CAMK2G: variants seen among roughly 807,000 people sequenced by gnomAD.
CAMK2G encodes the protein calcium/calmodulin dependent protein kinase II gamma.
A neutral mutation model predicts 88.7 loss-of-function variants in CAMK2G; 23 were observed. That is an observed-to-expected ratio of 0.26 (90% CI 0.19 to 0.37). The LOEUF (loss-of-function observed/expected upper bound fraction) is 0.37, where lower values mean the gene tolerates loss of function less well. Ranked by LOEUF, CAMK2G falls within the 10% of genes least tolerant of loss-of-function variation. The pLI, the probability that CAMK2G is intolerant of heterozygous loss-of-function variation, is 1.00. For missense variants in CAMK2G, 476 were observed against 780.8 expected (o/e 0.61, Z 4.65); for synonymous variants, 263 against 294.8 (o/e 0.89, Z 1.11).
At chr10:73,841,892 G>C (rs187905278) in intron 12 of CAMK2G, 41 of 459,146 alleles carry the variant, frequency 8.9e-5, no homozygotes, top group African/African-American at 6.7e-4. Context: ...TCTTCAGAGA[G>C]TTAAATAAGA....
At chr10:73,845,646 G>C (rs1370211157) in intron 10 of CAMK2G, among the ~76,000 whole-genome samples, 1 of 151,224 alleles carries the variant, frequency 6.6e-6, no homozygotes, top group Non-Finnish European at 1.5e-5. Flanking sequence ...GTTTTCTTCT[G>C]GGTCAGTGAG....
In CAMK2G at chr10:73,827,120, G is replaced by T. The variant is rs559274914; in HGVS notation, c.1086+969C>A. Among the ~76,000 whole-genome samples the T allele has an allele frequency of 4.6e-5, 7 of 152,350 alleles. No individual in the cohort carries two copies. In the East Asian group the frequency reaches 1.4e-3, roughly 29 times the overall value. On this transcript the variant is annotated intron_variant, in intron 15 of 22. Coordinates refer to ENST00000423381, the MANE Select transcript of CAMK2G (RefSeq NM_001367534.1). ...CAGCTGAGGCCAAGACCCTCACAGG[G>T]GGCAAGGACTCCAGGGTGCCCACAA...
At chr10:73,858,936 C>T (rs1460662095) in intron 3 of CAMK2G, among the ~76,000 whole-genome samples, 1 of 152,260 alleles carries the variant, frequency 6.6e-6, no homozygotes, top group East Asian at 1.9e-4. Flanking sequence ...ATGGTCAACC[C>T]GCCCGCATCG....
intron 2 of CAMK2G, among the ~76,000 whole-genome samples, chr10:73,864,817 G>T (rs1381245134): frequency 2.6e-5 from 4 of 151,974 alleles, no homozygotes; most frequent in Non-Finnish European, 4.4e-5. Flanking sequence ...TAATTTTTTT[G>T]TATTTTTCAG....
At position 73,825,299 on chromosome 10, in the gene CAMK2G, C is replaced by A; in HGVS notation, c.1135G>T (p.Ala379Ser). The A allele has an allele frequency of 1.2e-6, 2 of 1,613,656 alleles. No individual in the cohort carries two copies. Among genetic ancestry groups the A allele is most frequent in the Non-Finnish European group, 1.7e-6 (2 of 1,179,646 alleles). ...GGTACCATGGCCGTCTGCAAGGGCGCGGGCTCTTGGGCTGGGCTTACGAGA... is the reference window on the plus strand; with the variant it reads ...GGTACCATGGCCGTCTGCAAGGGCGAGGGCTCTTGGGCTGGGCTTACGAGA... ...NSLVSPAQEP[A>S]PLQTAMEPQT... is the part of the protein sequence containing the mutation. The change falls in exon 16 of 23, where the codon GCG (alanine) becomes TCG (serine). Residue 379 changes from alanine to serine, a missense_variant. By Grantham distance (99) the Ala-to-Ser change is moderately conservative. Coordinates refer to ENST00000423381, the MANE Select transcript of CAMK2G (RefSeq NM_001367534.1).
At chr10:73,833,971 T>G (rs1333075712) in intron 14 of CAMK2G, among the ~76,000 whole-genome samples, 2 of 123,990 alleles carry the variant, frequency 1.6e-5, no homozygotes, top group African/African-American at 6.5e-5. Flanking sequence ...CAGGATGGAG[T>G]GCAGTGGCAC....
Position 73,819,597 on chromosome 10 carries a change from C to T in CAMK2G, c.1298G>A (p.Ser433Asn). The T allele has an allele frequency of 1.3e-6, 2 of 1,547,920 alleles. No individual in the cohort carries two copies. The highest frequency in any genetic ancestry group is 1.7e-6 in the Non-Finnish European group (2 of 1,146,924). The change falls in exon 19 of 23, where the codon AGC becomes AAC. Residue 433 changes from serine (S) to asparagine (N), a missense_variant. Around this residue, in one of 3 missense-constraint regions of CAMK2G, gnomAD observed 278 missense variants for 366.5 expected, o/e 0.76. Transcript: ENST00000423381. Reference protein sequence around the residue: ...GNGSSVPEGRSSRDRTAPSAG... With the variant: ...GNGSSVPEGRNSRDRTAPSAG... ...AGAGGGGGCTGTTCTGTCCCGGGAG[C>T]TCCGTCCTTCAGGCACCGAGCTGCC...
chr10:73,834,303 C>T (rs891598022), intron 14 of CAMK2G, among the ~76,000 whole-genome samples: 1 of 152,178 alleles, frequency 6.6e-6, no homozygotes, highest in African/African-American at 2.4e-5. Context: ...GCTGCGAATA[C>T]GCGGTTGGCC....
intron 10 of CAMK2G, chr10:73,846,951 G>A (rs2094290601): frequency 2.7e-6 from 1 of 371,900 alleles, no homozygotes; most frequent in East Asian, 4.6e-5. Context: ...AGTCCACAAG[G>A]GTCAACCTGA....
At chr10:73,845,798 T>A (rs1294404223) in intron 10 of CAMK2G, among the ~76,000 whole-genome samples, 4 of 151,990 alleles carry the variant, frequency 2.6e-5, no homozygotes, top group Non-Finnish European at 5.9e-5. Context: ...ATCCTTACCC[T>A]CTGCTGAGAC....
At chr10:73,836,400 A>G (rs577969379) in intron 14 of CAMK2G, among the ~76,000 whole-genome samples, 9 of 152,226 alleles carry the variant, frequency 5.9e-5, no homozygotes, top group African/African-American at 2.2e-4. Context: ...GGTACTTATT[A>G]AACACTCTCT....
intron 10 of CAMK2G, among the ~76,000 whole-genome samples, chr10:73,844,234 G>A (rs1022052113): frequency 1.3e-4 from 20 of 149,700 alleles, no homozygotes; most frequent in Admixed American, 9.3e-4. Flanking sequence ...GCTAAGGCAC[G>A]TTACCACAAC....
chr10:73,866,679 C>G (rs2095607740), intron 2 of CAMK2G, among the ~76,000 whole-genome samples: 1 of 152,168 alleles, frequency 6.6e-6, no homozygotes, highest in Admixed American at 6.5e-5. Context: ...TTCCTGCAAC[C>G]CCACTGATTT....
At chr10:73,825,426 C>A in intron 15 of CAMK2G, 79 bp from the exon 16 acceptor site, 2 of 1,127,110 alleles carry the variant, frequency 1.8e-6, no homozygotes, top group Admixed American at 3.4e-5. Context: ...CCTCCCTTGC[C>A]CCCTGGTCTG....
intron 18 of CAMK2G, among the ~76,000 whole-genome samples, chr10:73,820,474 AT>A (rs2087691362): frequency 1.2e-4 from 4 of 32,992 alleles, no homozygotes; most frequent in Admixed American, 4.9e-4. Context: ...TTATATATAT[AT>A]ATATATATAT....
At chr10:73,817,429 A>G in intron 20 of CAMK2G, 50 bp downstream of exon 20, 1 of 1,230,654 alleles carries the variant, frequency 8.1e-7, no homozygotes, top group Non-Finnish European at 1.2e-6. Context: ...GAAGCAGGGA[A>G]GGCCTTGGGA....
chr10:73,842,868 C>T lies in CAMK2G; in HGVS notation c.820-327G>A, dbSNP rs1258300241. ...GGCTGTGATCCTCATTCAGTCACTC[C>T]TTAGGCAGCTGTTTACTGAGCACCT... On this transcript the variant is annotated intron_variant, in intron 10 of 22. Transcript: ENST00000423381. This position sits in a 1 kb window ranked among gnomAD's most constrained non-coding sequence, Gnocchi z 4.6. 1.3e-5 allele frequency among the ~76,000 whole-genome samples: 2 copies of T among 152,088 alleles called. No individual in the cohort carries two copies. The highest frequency in any genetic ancestry group is 2.9e-5 in the Non-Finnish European group (2 of 68,022).
intron 14 of CAMK2G, chr10:73,837,183 G>A: frequency 2.4e-6 from 1 of 425,162 alleles, no homozygotes; most frequent in South Asian, 3.6e-5. Flanking sequence ...CCCTGGAGAT[G>A]AAGCATCCGT....
Position 73,839,661 on chromosome 10 carries a change from C to T in CAMK2G, c.947-60G>A, listed in dbSNP as rs534546278. 13 of 1,045,854 alleles carry T rather than the reference C, an allele frequency of 1.2e-5. No individual in the cohort carries two copies. In the Admixed American group the frequency reaches 1.7e-4, roughly 14 times the overall value. The allele number at this position is 1,045,854 out of a possible 1,614,324, so 64.8% of individuals were successfully genotyped here. On this transcript the variant is annotated intron_variant, in intron 12 of 22. Coordinates refer to ENST00000423381, the MANE Select transcript of CAMK2G (RefSeq NM_001367534.1). This position sits in a 1 kb window ranked among gnomAD's most constrained non-coding sequence, Gnocchi z 4.2. ...CGCAAAGCCACGGGGCCGTCAGCAG[C>T]GAGCATGCCCCAGCGCGAGGCGCAG... is the stretch of plus-strand genomic sequence containing the variant.
Sources: gnomAD v4.1 joint callset for allele counts (sites outside exome capture counted in the v4.1 genomes callset) on GRCh38, gnomAD v4.1.1 for gene constraint, gnomAD v4.1.1 regional missense constraint, Gnocchi (gnomAD v3.1) non-coding constraint, MANE v1.5 for transcripts, NCBI Gene and HGNC (gene_info 2026-07-23, HGNC 2026-07-21) for gene names.